Variants in KLHL6 observed in about 807,000 individuals in gnomAD.
KLHL6 encodes kelch like family member 6.
Under a neutral mutation model 58.6 loss-of-function variants are expected in KLHL6, and 41 were observed. The observed-to-expected ratio is 0.70, with a 90% CI of 0.55 to 0.91. KLHL6 has a LOEUF of 0.91. Among genes scored for constraint, KLHL6 ranks in the 40% least tolerant of loss-of-function variants. The probability of loss-of-function intolerance (pLI) is 0.00; values close to 1 mark genes in which losing one functional copy is unlikely to be tolerated. For synonymous variants in KLHL6, 338 were observed against 322.7 expected (o/e 1.05, Z -0.51); for missense variants, 714 against 805.6 (o/e 0.89, Z 1.38).
intron 1 of KLHL6, among the ~76,000 whole-genome samples, chr3:183,550,255 G>A (rs1266953437): frequency 6.6e-6 from 1 of 152,178 alleles, no homozygotes; most frequent in Non-Finnish European, 1.5e-5. Context: ...GACTGTTCTA[G>A]AAGTCCACAT....
chr3:183,495,369 C>T (rs771705528), intron 4 of KLHL6, among the ~76,000 whole-genome samples: 1 of 151,856 alleles, frequency 6.6e-6, no homozygotes, highest in Non-Finnish European at 1.5e-5. Context: ...GTTTGGTTTT[C>T]GCTTACTATG....
chr3:183,502,560 G>A (rs1022341760), intron 3 of KLHL6, among the ~76,000 whole-genome samples: 1 of 152,162 alleles, frequency 6.6e-6, no homozygotes, highest in African/African-American at 2.4e-5. Context: ...TGCTCTCTCA[G>A]TCTTTCTTAG....
rs1717606734 is a variant in KLHL6 at position 183,492,782 on chromosome 3, G to A, written c.1351-75C>T. The A allele has an allele frequency of 2.9e-6, 4 of 1,386,608 alleles. No individual in the cohort carries two copies. Among genetic ancestry groups the A allele is most frequent in the Non-Finnish European group, 4.0e-6 (4 of 988,782 alleles). The allele number at this position is 1,386,608 out of a possible 1,614,324, so 85.9% of individuals were successfully genotyped here. On this transcript the variant is annotated intron_variant, in intron 5 of 6. Transcript: ENST00000341319. The surrounding 1 kb of genome is among the most constrained non-coding windows in gnomAD (Gnocchi z 5.9). ...TTGCTGCAGTAGCTCCCAGGATACA[G>A]GACAGAGCTCCGGGACACAGAACTG...
chr3:183,497,045 G>A (rs945486446), intron 4 of KLHL6, among the ~76,000 whole-genome samples: 18 of 152,028 alleles, frequency 1.2e-4, no homozygotes, highest in Non-Finnish European at 5.9e-5. Context: ...TTGGGAGACC[G>A]AAGCGGGCGG....
rs1717606408 is a variant in KLHL6 at position 183,492,774 on chromosome 3, A to G, written c.1351-67T>C. On this transcript the variant is annotated intron_variant, in intron 5 of 6. Coordinates refer to ENST00000341319, the MANE Select transcript of KLHL6 (RefSeq NM_130446.4). The surrounding 1 kb of genome is among the most constrained non-coding windows in gnomAD (Gnocchi z 5.9). ...TGCCCAGATTGCTGCAGTAGCTCCC[A>G]GGATACAGGACAGAGCTCCGGGACA... The G allele has an allele frequency of 1.4e-6, 2 of 1,465,720 alleles. No individual in the cohort carries two copies. Among genetic ancestry groups the G allele is most frequent in the East Asian group, 2.3e-5 (1 of 44,076 alleles). 90.8% of individuals were successfully genotyped at this position (1,465,720 alleles called of 1,614,324 possible). A position where few individuals can be genotyped will look rare whatever the true frequency, so the allele number is the denominator to read the frequency against.
At chr3:183,534,090 C>CTTTTAAAGTACTTTAAAAGTACTTTAT (rs1712259014) in intron 1 of KLHL6, among the ~76,000 whole-genome samples, 1 of 131,078 alleles carries the variant, frequency 7.6e-6, no homozygotes, top group Admixed American at 7.4e-5. Context: ...AAGTACTTTA[C>CTTTTAAAGTACTTTAAAAGTACTTTAT]TTTTAAAGTA....
At position 183,499,626 on chromosome 3, in the gene KLHL6, C is replaced by T. The variant is rs770369747; in HGVS notation, c.1111G>A (p.Ala371Thr). 5.5e-5 allele frequency: 89 copies of T among 1,604,512 alleles called. No individual in the cohort carries two copies. The highest frequency in any genetic ancestry group is 7.2e-5 in the Non-Finnish European group (85 of 1,175,520). The part of the protein sequence containing the change: ...ESENKKWVEF[A>T]CVTLKNEVYI... ...ACCTCATTTTTCAATGTCACGCATG[C>T]AAACTCCACCCACTTCTTATTCTCA... is the stretch of plus-strand genomic sequence containing the variant. The change falls in exon 4 of 7, where the codon GCA becomes ACA. Residue 371 changes from alanine (A) to threonine (T), a missense_variant. Ala to Thr is a moderately conservative substitution (Grantham distance 58). This residue lies in a region of KLHL6 where 510 missense variants were observed against 629.7 expected (regional missense o/e 0.81). Coordinates refer to ENST00000341319, the MANE Select transcript of KLHL6 (RefSeq NM_130446.4). This position sits in a 1 kb window ranked among gnomAD's most constrained non-coding sequence, Gnocchi z 4.6.
chr3:183,543,273 C>T (rs1334228516), intron 1 of KLHL6, among the ~76,000 whole-genome samples: 6 of 145,030 alleles, frequency 4.1e-5, no homozygotes, highest in Non-Finnish European at 4.5e-5. Context: ...GGCGACAGAG[C>T]GAAACTCCAT....
intron 1 of KLHL6, among the ~76,000 whole-genome samples, chr3:183,546,576 CT>C (rs1051847252): frequency 6.6e-6 from 1 of 152,202 alleles, no homozygotes; most frequent in Non-Finnish European, 1.5e-5. Context: ...TGTTTGTCTT[CT>C]GGGTTTGGTT....
At chr3:183,535,572 C>T (rs1020570516) in intron 1 of KLHL6, among the ~76,000 whole-genome samples, 22 of 152,272 alleles carry the variant, frequency 1.4e-4, no homozygotes, top group African/African-American at 5.3e-4. Context: ...TGTTATTTCA[C>T]CCGGACTGTG....
At chr3:183,551,259 C>G (rs1211377037) in intron 1 of KLHL6, among the ~76,000 whole-genome samples, 1 of 152,034 alleles carries the variant, frequency 6.6e-6, no homozygotes, top group African/African-American at 2.4e-5. Flanking sequence ...TTCAACATAG[C>G]AGACAGTCCC....
intron 1 of KLHL6, among the ~76,000 whole-genome samples, chr3:183,543,068 A>G (rs983221594): frequency 6.6e-6 from 1 of 152,118 alleles, no homozygotes; most frequent in African/African-American, 2.4e-5. Flanking sequence ...TGAGGCGGGC[A>G]GATCACCTGA....
intron 1 of KLHL6, among the ~76,000 whole-genome samples, chr3:183,554,540 G>A (rs191078277): frequency 2.0e-5 from 3 of 152,168 alleles, no homozygotes; most frequent in East Asian, 1.9e-4. Flanking sequence ...CCAGTTTATC[G>A]TAACTAGAGG....
Position 183,492,160 on chromosome 3 carries a change from T to C in KLHL6, c.1633A>G (p.Ser545Gly). 1 of 1,613,386 alleles carries C rather than the reference T, an allele frequency of 6.2e-7. No homozygotes were observed. ...EDSWCLVTQL[S>G]HERASCGIAP... is the part of the protein sequence containing the mutation. ...ATACCGCAGCTGGCCCGCTCGTGGC[T>C]GAGCTGGGTCACCAGGCACCAGCTG... Residue 545 changes from serine (S) to glycine (G), a missense_variant, in exon 7 of 7, where the codon AGC becomes GGC. Ser to Gly is a moderately conservative substitution (Grantham distance 56, BLOSUM62 0). Around this residue, in one of 2 missense-constraint regions of KLHL6, gnomAD observed 510 missense variants for 629.7 expected, o/e 0.81. Transcript: ENST00000341319. The surrounding 1 kb of genome is among the most constrained non-coding windows in gnomAD (Gnocchi z 5.9).
Position 183,531,441 on chromosome 3 carries a change from G to GTATTTTT in KLHL6, c.294-3432_294-3431insAAAAATA, listed in dbSNP as rs1367673441. ...CCTTCTTTCTGTTCTTTTTTTGTCT[G>GTATTTTT]TGTTTTTTTTTTTTTTTTTTTTTTT... On this transcript the variant is annotated intron_variant, in intron 1 of 6. Coordinates refer to ENST00000341319, the MANE Select transcript of KLHL6 (RefSeq NM_130446.4). 4.4e-4 allele frequency among the ~76,000 whole-genome samples: 45 copies of GTATTTTT among 102,086 alleles called. 5 individuals carry two copies. The highest frequency in any genetic ancestry group is 5.7e-4 in the Non-Finnish European group (26 of 45,810). The allele number at this position is 102,086 out of a possible 152,430, so 67.0% of individuals were successfully genotyped here. A position where few individuals can be genotyped will look rare whatever the true frequency, so the allele number is the denominator to read the frequency against.
intron 1 of KLHL6, among the ~76,000 whole-genome samples, chr3:183,552,716 T>TCAA (rs1712972693): frequency 1.8e-5 from 1 of 56,326 alleles, no homozygotes; most frequent in Non-Finnish European, 3.2e-5. Flanking sequence ...AGACTCCGTC[T>TCAA]CAAAAAAAAA....
chr3:183,543,993 A>G (rs1339671268), intron 1 of KLHL6, among the ~76,000 whole-genome samples: 2 of 151,966 alleles, frequency 1.3e-5, no homozygotes, highest in African/African-American at 4.8e-5. Context: ...GTGAAACCCC[A>G]TCTCTACTAA....
chr3:183,540,292 C>A (rs1712511285), intron 1 of KLHL6, among the ~76,000 whole-genome samples: 1 of 152,138 alleles, frequency 6.6e-6, no homozygotes, highest in African/African-American at 2.4e-5. Context: ...TGAATACATT[C>A]CCTGAGAGAG....
chr3:183,502,391 G>A (rs1185246212), intron 3 of KLHL6, among the ~76,000 whole-genome samples: 3 of 152,124 alleles, frequency 2.0e-5, no homozygotes, highest in South Asian at 2.1e-4. Flanking sequence ...GAGCATCCAC[G>A]ATGGCCCCAG....
Sources: gnomAD v4.1 joint callset for allele counts (sites outside exome capture counted in the v4.1 genomes callset) on GRCh38, gnomAD v4.1.1 for gene constraint, gnomAD v4.1.1 regional missense constraint, Gnocchi (gnomAD v3.1) non-coding constraint, MANE v1.5 for transcripts, NCBI Gene and HGNC (gene_info 2026-07-23, HGNC 2026-07-21) for gene names.